ZBTB4: variants seen among roughly 807,000 people sequenced by gnomAD.
The protein encoded by ZBTB4 is zinc finger and BTB domain containing 4, also known as zinc finger and BTB domain-containing protein 4.
ZBTB4 carries 14 observed loss-of-function variants against 59.8 expected under a neutral mutation model. The ratio of observed to expected loss-of-function variants is 0.23; its 90% confidence interval spans 0.15 to 0.37. The LOEUF (loss-of-function observed/expected upper bound fraction) is 0.37, where lower values mean the gene tolerates loss of function less well. Among genes scored for constraint, ZBTB4 ranks in the 10% least tolerant of loss-of-function variants. The pLI, the probability that ZBTB4 is intolerant of heterozygous loss-of-function variation, is 1.00. For missense variants in ZBTB4, 1,198 were observed against 1,380.8 expected (o/e 0.87, Z 2.10); for synonymous variants, 587 against 575.2 (o/e 1.02, Z -0.29).
rs71157291 is a variant in ZBTB4, at chr17:7,473,110, ATT to A, written c.-80-5785_-80-5784del. Among the ~76,000 whole-genome samples, 114 of 64,900 alleles carry A rather than the reference ATT, an allele frequency of 1.8e-3. 1 individual carries two copies. Among genetic ancestry groups the A allele is most frequent in the East Asian group, 5.4e-3 (12 of 2,202 alleles). 42.6% of individuals were successfully genotyped at this position (64,900 alleles called of 152,430 possible). On this transcript the variant is annotated intron_variant, in intron 1 of 3. Transcript: ENST00000380599. ...ACTGGGACTATAGGCGCGCGCCACC[ATT>A]TTTTTTTTTTTTTTTTTTGAGACTG...
chr17:7,481,434 C>G, upstream of ZBTB4: 4 of 1,384,280 alleles, frequency 2.9e-6, no homozygotes, highest in Non-Finnish European at 3.8e-6. Context: ...ACCCCACCCC[C>G]ACTCCAACCA....
At chr17:7,479,788 C>A (rs2070320717), upstream of ZBTB4, among the ~76,000 whole-genome samples, 1 of 151,670 alleles carries the variant, frequency 6.6e-6, no homozygotes, top group African/African-American at 2.4e-5. Flanking sequence ...CTGACCCCCG[C>A]GGCATGACAC....
In ZBTB4 at chr17:7,462,269, C is replaced by A; in HGVS notation, c.2713G>T (p.Asp905Tyr). 1 of 1,613,778 alleles carries A rather than the reference C, an allele frequency of 6.2e-7. No homozygotes were observed. The highest frequency in any genetic ancestry group is 8.5e-7 in the Non-Finnish European group (1 of 1,179,862). The change falls in exon 4 of 4, where the codon GAC becomes TAC. Residue 905 changes from aspartate (D) to tyrosine (Y), a missense_variant. Physicochemically the swap from Asp to Tyr is radical, Grantham distance 160. This residue lies in a region of ZBTB4 where 211 missense variants were observed against 236.1 expected (regional missense o/e 0.89). Coordinates refer to ENST00000380599, the MANE Select transcript of ZBTB4 (RefSeq NM_001128833.2). The surrounding 1 kb of genome is among the most constrained non-coding windows in gnomAD (Gnocchi z 7.5). ...GCAGCCCCTATCCCCTCCATCCGGT[C>A]CCCCTCACCAGCCCCCACTGGCCCT... ...SEGPVGAGEG[D>Y]RMEGIGAAKV...
At position 7,462,210 on chromosome 17, in the gene ZBTB4, G is replaced by A. The variant is rs747890687; in HGVS notation, c.2772C>T (p.Leu924=). 52 of 1,613,634 alleles carry A rather than the reference G, an allele frequency of 3.2e-5. No homozygotes were observed. The Middle Eastern group carries it at 1.2e-3, about 36-fold the overall frequency. Residue 924 remains leucine, a synonymous_variant, in exon 4 of 4, where the codon CTC becomes CTT. Transcript: ENST00000380599. The surrounding 1 kb of genome is among the most constrained non-coding windows in gnomAD (Gnocchi z 7.5). ...CGGCAAGGAGCTGGGGGCCATAGAC[G>A]AGCGGGTAGGGCTCAGGGTAGAAAG... is the stretch of plus-strand genomic sequence containing the variant. ...KVTFYPEPYP[L]VYGPQLLAAY...
intron 1 of ZBTB4, among the ~76,000 whole-genome samples, chr17:7,477,247 C>T (rs1040680544): frequency 2.0e-5 from 3 of 152,340 alleles, no homozygotes; most frequent in African/African-American, 4.8e-5. Flanking sequence ...AGCCACTTTC[C>T]GGGTCCGTTT....
Position 7,466,159 on chromosome 17 carries a change from C to G in ZBTB4, c.643G>C (p.Gly215Arg). 1 of 1,612,934 alleles carries G rather than the reference C, an allele frequency of 6.2e-7. No individual in the cohort carries two copies. The highest frequency in any genetic ancestry group is 8.5e-7 in the Non-Finnish European group (1 of 1,179,800). Residue 215 changes from glycine to arginine, a missense_variant, in exon 3 of 4, where the codon GGT (glycine) becomes CGT (arginine). By Grantham distance (125) the Gly-to-Arg change is moderately radical (BLOSUM62 -2). This residue lies in a region of ZBTB4 where 204 missense variants were observed against 205.5 expected (regional missense o/e 0.99). Coordinates refer to ENST00000380599, the MANE Select transcript of ZBTB4 (RefSeq NM_001128833.2). This position sits in a 1 kb window ranked among gnomAD's most constrained non-coding sequence, Gnocchi z 9.1. ...PGPRPAGEWE[G>R]DRAEAQAPDL... is the part of the protein sequence containing the mutation. ...GGGGCCTGGGCCTCAGCCCTGTCAC[C>G]CTCCCACTCCCCAGCTGGCCTGGGC...
chr17:7,463,278 C>T lies in ZBTB4; in HGVS notation c.1704G>A (p.Leu568=). 6.2e-7 allele frequency: 1 copy of T among 1,611,150 alleles called. No homozygotes were observed. The highest frequency in any genetic ancestry group is 8.5e-7 in the Non-Finnish European group (1 of 1,179,054). ...KGRNPRAGRT[L]TYTAKPVGGI... is the part of the protein sequence containing the mutation. The stretch of plus-strand genomic sequence containing the variant: ...CGCCCACTGGCTTGGCTGTGTAAGT[C>T]AGAGTCCTTCCAGCCCGTGGATTCC... The change falls in exon 4 of 4, where the codon CTG becomes CTA. Residue 568 remains leucine (L), a synonymous_variant. Coordinates refer to ENST00000380599, the MANE Select transcript of ZBTB4 (RefSeq NM_001128833.2).
chr17:7,481,659 C>G, upstream of ZBTB4: 1 of 676,872 alleles, frequency 1.5e-6, no homozygotes, highest in Non-Finnish European at 2.4e-6. Context: ...GTCTCTGGAA[C>G]CTGTGGCATC....
Position 7,460,826 on chromosome 17 carries a change from C to G in ZBTB4, c.*1114G>C, listed in dbSNP as rs1289869521. On this transcript the variant is annotated 3_prime_UTR_variant, in exon 4 of 4. Coordinates refer to ENST00000380599, the MANE Select transcript of ZBTB4 (RefSeq NM_001128833.2). ...GAAGGGAAAGTTGGTGGGGATACCCCAAAGCCCACCAGAAGAGTAGAATGG... is the reference window on the plus strand; with the variant it reads ...GAAGGGAAAGTTGGTGGGGATACCCGAAAGCCCACCAGAAGAGTAGAATGG... 1.6e-4 allele frequency: 24 copies of G among 152,602 alleles called. No individual in the cohort carries two copies. The highest frequency in any genetic ancestry group is 1.6e-3 in the Admixed American group (24 of 15,282). The allele number at this position is 152,602 out of a possible 1,614,324, so 9.5% of individuals were successfully genotyped here.
chr17:7,481,590 C>A, upstream of ZBTB4: 1 of 1,164,448 alleles, frequency 8.6e-7, no homozygotes, highest in South Asian at 1.7e-5. Flanking sequence ...CCCTCCTTTC[C>A]TAAAACTTAG....
rs1001827171 is a variant in ZBTB4, at chr17:7,461,465, T to G, written c.*475A>C. 1 of 153,488 alleles carries G rather than the reference T, an allele frequency of 6.5e-6. No homozygotes were observed. The highest frequency in any genetic ancestry group is 1.5e-5 in the Non-Finnish European group (1 of 68,770). The allele number at this position is 153,488 out of a possible 1,614,324, so 9.5% of individuals were successfully genotyped here. A position where few individuals can be genotyped will look rare whatever the true frequency, so the allele number is the denominator to read the frequency against. ...GGCGGGGTCAGGTATCACAATGGTC[T>G]GGTCCAGGCCCTGGGCCACAAAGAA... On this transcript the variant is annotated 3_prime_UTR_variant, in exon 4 of 4. Transcript: ENST00000380599.
upstream of ZBTB4, chr17:7,481,585 C>T (rs2070346060): frequency 8.1e-7 from 1 of 1,228,758 alleles, no homozygotes; most frequent in Non-Finnish European, 1.1e-6. Context: ...ATTTCCCCTC[C>T]TTTCCTAAAA....
At chr17:7,467,175 C>A in intron 2 of ZBTB4, 82 bp downstream of exon 2, 2 of 1,062,884 alleles carry the variant, frequency 1.9e-6, no homozygotes, top group Non-Finnish European at 2.3e-6. Flanking sequence ...AACTCCCCAG[C>A]CTAGACAAAA....
intron 1 of ZBTB4, among the ~76,000 whole-genome samples, chr17:7,471,781 C>G (rs2070200562): frequency 6.6e-6 from 1 of 152,142 alleles, no homozygotes; most frequent in African/African-American, 2.4e-5. Context: ...AATGAGCTAA[C>G]AACTGGCAAT....
rs776260128 is a variant in ZBTB4, at chr17:7,466,268, C to A, written c.534G>T (p.Leu178=). Residue 178 remains leucine (L), a synonymous_variant, in exon 3 of 4, where the codon CTG becomes CTT. Transcript: ENST00000380599. The surrounding 1 kb of genome is among the most constrained non-coding windows in gnomAD (Gnocchi z 9.1). The stretch of plus-strand genomic sequence containing the variant: ...GTACCCAGGCATCACCTCCCTCCCC[C>A]AGGCCCTGAAGGCGGGAGATGCCCA... ...RRLGISRLQG[L]GEGGDAWVPP... 6.2e-7 allele frequency: 1 copy of A among 1,613,322 alleles called. No individual in the cohort carries two copies. The highest frequency in any genetic ancestry group is 8.5e-7 in the Non-Finnish European group (1 of 1,179,546).
chr17:7,482,094 C>A (rs764158676), upstream of ZBTB4: 10 of 1,614,098 alleles, frequency 6.2e-6, no homozygotes, highest in South Asian at 1.1e-4. Context: ...TCTGATGCCA[C>A]CAATGGCCTG....
chr17:7,464,379 T>G (rs1479300239), intron 3 of ZBTB4, among the ~76,000 whole-genome samples: 3 of 144,626 alleles, frequency 2.1e-5, no homozygotes, highest in Non-Finnish European at 3.0e-5. Context: ...TGAGCCAAGA[T>G]TGCACCACTG....
intron 1 of ZBTB4, among the ~76,000 whole-genome samples, chr17:7,477,066 G>A (rs1398109111): frequency 6.6e-6 from 1 of 152,208 alleles, no homozygotes; most frequent in African/African-American, 2.4e-5. Context: ...ACTTCAGGGT[G>A]TTGTTCTGAG....
At chr17:7,477,112 G>A (rs1337815973) in intron 1 of ZBTB4, among the ~76,000 whole-genome samples, 2 of 152,208 alleles carry the variant, frequency 1.3e-5, no homozygotes, top group Non-Finnish European at 2.9e-5. Context: ...CTGAGGACAG[G>A]CTGGTGCACG....
Sources: gnomAD v4.1 joint callset for allele counts (sites outside exome capture counted in the v4.1 genomes callset) on GRCh38, gnomAD v4.1.1 for gene constraint, gnomAD v4.1.1 regional missense constraint, Gnocchi (gnomAD v3.1) non-coding constraint, MANE v1.5 for transcripts, NCBI Gene and HGNC (gene_info 2026-07-23, HGNC 2026-07-21) for gene names.